RAB31: variants seen among roughly 807,000 people sequenced by gnomAD.
The protein encoded by RAB31 is RAB31, member RAS oncogene family, also known as ras-related protein Rab-31.
A neutral mutation model predicts 25.6 loss-of-function variants in RAB31; 21 were observed. The ratio of observed to expected loss-of-function variants is 0.82; its 90% confidence interval spans 0.58 to 1.18. The LOEUF (loss-of-function observed/expected upper bound fraction) is 1.18. RAB31 is among the 50% of genes most tolerant of loss of function. The pLI is 0.00. For synonymous variants in RAB31, 87 were observed against 84.0 expected, an observed-to-expected ratio of 1.04 and a Z score of -0.20; for missense variants, 196 against 250.1, an observed-to-expected ratio of 0.78 and a Z score of 1.46.
chr18:9,811,190 A>G (rs780845842), intron 3 of RAB31, among the ~76,000 whole-genome samples: 1 of 152,214 alleles, frequency 6.6e-6, no homozygotes, highest in Non-Finnish European at 1.5e-5. Context: ...GCCACCGCAC[A>G]GTTCAGCTGT....
intron 1 of RAB31, among the ~76,000 whole-genome samples, chr18:9,709,307 C>T (rs772050169): frequency 2.0e-5 from 3 of 152,112 alleles, no homozygotes; most frequent in Non-Finnish European, 4.4e-5. Flanking sequence ...TTTCGGGGGC[C>T]CACTCCGCAT....
intron 6 of RAB31, among the ~76,000 whole-genome samples, chr18:9,858,222 A>G (rs184399601): frequency 7.8e-4 from 119 of 152,308 alleles, no homozygotes; most frequent in African/African-American, 2.7e-3. Context: ...GACCTTCAGC[A>G]AAGTGCTCAA....
chr18:9,765,072 C>T lies in RAB31; in HGVS notation c.40-10206C>T, dbSNP rs57403033. ...GGCTCAAGCAATTCTCTTGCCTCAGCCTCCCATGTAGCTGGAATTACAGGC... is the reference window on the plus strand; with the variant it reads ...GGCTCAAGCAATTCTCTTGCCTCAGTCTCCCATGTAGCTGGAATTACAGGC... On this transcript the variant is annotated intron_variant, in intron 1 of 6. Transcript: ENST00000578921. Among the ~76,000 whole-genome samples, 272 of 152,210 alleles carry T rather than the reference C, an allele frequency of 1.8e-3. 2 individuals carry two copies. The highest frequency in any genetic ancestry group is 6.4e-3 in the African/African-American group (266 of 41,516).
intron 3 of RAB31, among the ~76,000 whole-genome samples, chr18:9,799,978 G>C (rs1049038664): frequency 2.0e-5 from 3 of 152,166 alleles, no homozygotes; most frequent in South Asian, 2.1e-4. Flanking sequence ...ATGGGTTATT[G>C]TGCTGGTTTC....
chr18:9,741,141 C>A (rs568479961), intron 1 of RAB31, among the ~76,000 whole-genome samples: 1 of 151,870 alleles, frequency 6.6e-6, no homozygotes, highest in South Asian at 2.1e-4. Flanking sequence ...TTTGGAAGGC[C>A]GAGGTGGGCG....
intron 6 of RAB31, among the ~76,000 whole-genome samples, chr18:9,852,726 C>T (rs538364444): frequency 2.6e-5 from 4 of 152,042 alleles, no homozygotes; most frequent in Admixed American, 6.5e-5. Context: ...ATTTACAAGT[C>T]TTTGTGTGTG....
At position 9,810,931 on chromosome 18, in the gene RAB31, G is replaced by A. The variant is rs1481751289; in HGVS notation, c.202-3089G>A. On this transcript the variant is annotated intron_variant, in intron 3 of 6. Transcript: ENST00000578921. ...ATCTGCGGTCCTTACCCTTTGAAAAGTAGGAATGTTTAAAAAAAATTATTG... is the reference window on the plus strand; with the variant it reads ...ATCTGCGGTCCTTACCCTTTGAAAAATAGGAATGTTTAAAAAAAATTATTG... 2.0e-5 allele frequency among the ~76,000 whole-genome samples: 3 copies of A among 152,182 alleles called. No individual in the cohort carries two copies. In the East Asian group the frequency reaches 5.8e-4, roughly 29 times the overall value.
chr18:9,802,928 A>G (rs1018352421), intron 3 of RAB31, among the ~76,000 whole-genome samples: 5 of 152,222 alleles, frequency 3.3e-5, no homozygotes, highest in Non-Finnish European at 7.3e-5. Context: ...TTCACTATTC[A>G]TAGGCCATTA....
At chr18:9,751,027 T>C (rs2145478391) in intron 1 of RAB31, among the ~76,000 whole-genome samples, 1 of 152,286 alleles carries the variant, frequency 6.6e-6, no homozygotes, top group East Asian at 1.9e-4. Context: ...TCTTTTCTTT[T>C]TTCGTTTTTT....
At chr18:9,826,292 C>T (rs2068649381) in intron 5 of RAB31, among the ~76,000 whole-genome samples, 1 of 152,114 alleles carries the variant, frequency 6.6e-6, no homozygotes. Context: ...ATGAGAATTG[C>T]TTGAACCCAG....
At chr18:9,826,517 C>G (rs1217675372) in intron 5 of RAB31, among the ~76,000 whole-genome samples, 2 of 151,548 alleles carry the variant, frequency 1.3e-5, no homozygotes, top group Non-Finnish European at 2.9e-5. Flanking sequence ...CTTTCACACC[C>G]CACATTCATA....
chr18:9,795,482 T>C (rs1006828004), intron 3 of RAB31, among the ~76,000 whole-genome samples: 2 of 152,302 alleles, frequency 1.3e-5, no homozygotes, highest in Admixed American at 1.3e-4. Flanking sequence ...TCACAATCCA[T>C]ACATCTGACA....
intron 1 of RAB31, among the ~76,000 whole-genome samples, chr18:9,737,932 C>T (rs997337073): frequency 2.0e-5 from 3 of 152,182 alleles, no homozygotes; most frequent in Admixed American, 2.0e-4. Context: ...GTCTGCCCCC[C>T]ACGCTAACCA....
intron 1 of RAB31, among the ~76,000 whole-genome samples, chr18:9,765,712 C>T (rs562423547): frequency 6.6e-6 from 1 of 152,118 alleles, no homozygotes; most frequent in Admixed American, 6.5e-5. Context: ...AAAGTACTTC[C>T]GATCTCTTTG....
chr18:9,748,621 G>A (rs368025256), intron 1 of RAB31, among the ~76,000 whole-genome samples: 8 of 151,892 alleles, frequency 5.3e-5, no homozygotes, highest in African/African-American at 1.7e-4. Flanking sequence ...GACCAGATGC[G>A]GTGGCTCATG....
At chr18:9,757,233 C>A (rs527423867) in intron 1 of RAB31, among the ~76,000 whole-genome samples, 12 of 152,298 alleles carry the variant, frequency 7.9e-5, no homozygotes, top group Admixed American at 3.3e-4. Flanking sequence ...AACAGCAGCA[C>A]CCGGCATGGT....
chr18:9,817,728 G>C (rs191694256), intron 5 of RAB31, among the ~76,000 whole-genome samples: 1 of 152,192 alleles, frequency 6.6e-6, no homozygotes. Context: ...TGTGTTTCGG[G>C]GTGGAATTTG....
At chr18:9,730,479 A>G (rs1039864855) in intron 1 of RAB31, among the ~76,000 whole-genome samples, 1 of 151,998 alleles carries the variant, frequency 6.6e-6, no homozygotes, top group African/African-American at 2.4e-5. Context: ...TAGTAGAGAC[A>G]GGGTCTCACC....
chr18:9,824,224 GTGTA>G (rs1429358248), intron 5 of RAB31, among the ~76,000 whole-genome samples: 14 of 151,944 alleles, frequency 9.2e-5, no homozygotes, highest in Non-Finnish European at 1.9e-4. Context: ...GTATGTGTGT[GTGTA>G]TGTGTGTGTG....
Sources: gnomAD v4.1 joint callset for allele counts (sites outside exome capture counted in the v4.1 genomes callset) on GRCh38, gnomAD v4.1.1 for gene constraint, MANE v1.5 for transcripts, NCBI Gene and HGNC (gene_info 2026-07-23, HGNC 2026-07-21) for gene names.